HIP1: variants seen among roughly 807,000 people sequenced by gnomAD.
HIP1 encodes the protein huntingtin-interacting protein 1.
In HIP1, 65 loss-of-function variants were observed where a neutral mutation model predicts 147.6. The observed-to-expected ratio is 0.44, with a 90% CI of 0.36 to 0.54. The LOEUF is 0.54. HIP1 is among the 20% of genes least tolerant of loss of function. The pLI is 0.00. For missense variants in HIP1, 1,061 were observed against 1,299.6 expected (o/e 0.82, Z 2.82); for synonymous variants, 479 against 504.0 (o/e 0.95, Z 0.67).
At chr7:75,579,042 A>C (rs1250545376) in intron 7 of HIP1, among the ~76,000 whole-genome samples, 1 of 151,552 alleles carries the variant, frequency 6.6e-6, no homozygotes, top group African/African-American at 2.4e-5. Context: ...CTGGTCTTGA[A>C]CTCCTGACCT....
intron 1 of HIP1, among the ~76,000 whole-genome samples, chr7:75,606,838 T>C (rs1189373414): frequency 6.6e-6 from 1 of 152,170 alleles, no homozygotes; most frequent in Admixed American, 6.6e-5. Flanking sequence ...ATATAAAGTC[T>C]TACAACTCTA....
chr7:75,603,323 G>A (rs1554503323), intron 1 of HIP1, among the ~76,000 whole-genome samples: 1 of 142,318 alleles, frequency 7.0e-6, no homozygotes, highest in African/African-American at 2.7e-5. Context: ...ACTCCAGCCT[G>A]GGTGACAGAG....
intron 1 of HIP1, among the ~76,000 whole-genome samples, chr7:75,669,281 G>A (rs1037372689): frequency 3.4e-4 from 51 of 152,220 alleles, no homozygotes; most frequent in African/African-American, 1.2e-3. Context: ...GCTGAGGCAG[G>A]AGAATGGTGT....
chr7:75,609,093 T>C (rs1379206874), intron 1 of HIP1, among the ~76,000 whole-genome samples: 1 of 152,176 alleles, frequency 6.6e-6, no homozygotes, highest in Non-Finnish European at 1.5e-5. Context: ...AGAAGTTTCT[T>C]CCTAAACCAG....
At chr7:75,555,324 C>A in intron 19 of HIP1, 92 bp downstream of exon 19, 1 of 1,471,918 alleles carries the variant, frequency 6.8e-7, no homozygotes, top group Non-Finnish European at 9.4e-7. Flanking sequence ...GGGCTGAGAG[C>A]CCCTGAGCTA....
At chr7:75,590,963 T>C (rs143763096) in intron 4 of HIP1, among the ~76,000 whole-genome samples, 1 of 151,948 alleles carries the variant, frequency 6.6e-6, no homozygotes, top group Admixed American at 6.6e-5. Flanking sequence ...CAGGTAAGAC[T>C]GTGCAAAAAG....
chr7:75,640,054 C>G (rs1222339703), intron 1 of HIP1, among the ~76,000 whole-genome samples: 1 of 152,156 alleles, frequency 6.6e-6, no homozygotes, highest in African/African-American at 2.4e-5. Context: ...TATTCGATGC[C>G]GAAATGCAAG....
intron 1 of HIP1, among the ~76,000 whole-genome samples, chr7:75,725,645 C>T (rs1439585575): frequency 2.6e-5 from 4 of 152,110 alleles, no homozygotes; most frequent in African/African-American, 9.7e-5. Context: ...CAGCGTTCAT[C>T]CGTGTTGTTG....
intron 4 of HIP1, among the ~76,000 whole-genome samples, chr7:75,587,141 A>G (rs1460617223): frequency 1.3e-5 from 2 of 152,104 alleles, no homozygotes; most frequent in African/African-American, 4.8e-5. Context: ...TGGTTTCACC[A>G]TGTTACCCAG....
At chr7:75,596,462 C>T (rs1796751683) in intron 2 of HIP1, among the ~76,000 whole-genome samples, 2 of 152,264 alleles carry the variant, frequency 1.3e-5, no homozygotes, top group South Asian at 4.1e-4. Context: ...TCTCGGCTCA[C>T]TGCAACCTCT....
chr7:75,733,524 T>C (rs556622983), intron 1 of HIP1: 147 of 148,176 alleles, frequency 9.9e-4, no homozygotes, highest in Non-Finnish European at 1.7e-3. Context: ...ACACCAAGGG[T>C]CTGGTTGGAG....
intron 1 of HIP1, among the ~76,000 whole-genome samples, chr7:75,734,138 C>A (rs1376019033): frequency 6.6e-6 from 1 of 151,760 alleles, no homozygotes; most frequent in African/African-American, 2.4e-5. Context: ...CCCAGCTACT[C>A]GAGAGGCCGA....
intron 1 of HIP1, among the ~76,000 whole-genome samples, chr7:75,663,016 G>A (rs2117217718): frequency 6.6e-6 from 1 of 152,288 alleles, no homozygotes; most frequent in African/African-American, 2.4e-5. Context: ...TACATGAACT[G>A]CTGCAAGCCA....
intron 22 of HIP1, among the ~76,000 whole-genome samples, chr7:75,551,325 G>A (rs2116784782): frequency 6.7e-6 from 1 of 148,322 alleles, no homozygotes; most frequent in South Asian, 2.1e-4. Flanking sequence ...AGCCTCTCAA[G>A]TAGCTGGGAT....
At chr7:75,594,501 C>A (rs1437695047) in intron 2 of HIP1, among the ~76,000 whole-genome samples, 6 of 152,108 alleles carry the variant, frequency 3.9e-5, no homozygotes, top group East Asian at 1.9e-4. Context: ...CAGGGTTGGG[C>A]GTGGTGGCTC....
chr7:75,538,699 T>G (rs978983067), intron 30 of HIP1, among the ~76,000 whole-genome samples: 1 of 151,108 alleles, frequency 6.6e-6, no homozygotes, highest in Non-Finnish European at 1.5e-5. Flanking sequence ...CTCAGCCTCC[T>G]GAGTAGCTGG....
Position 75,554,477 on chromosome 7 carries a change from C to T in HIP1, c.2013G>A (p.Leu671=). ...VTSISSCIEQ[L]EKSWSQYLAC... The stretch of plus-strand genomic sequence containing the variant: ...CCAGATACTGGCTCCAGCTTTTCTC[C>T]AGTTGCTCGATGCAGCTGGAAATGG... The change falls in exon 20 of 31, where the codon CTG becomes CTA. Residue 671 remains leucine (L), a synonymous_variant. Coordinates refer to ENST00000336926, the MANE Select transcript of HIP1 (RefSeq NM_005338.7). 7 of 1,614,020 alleles carry T rather than the reference C, an allele frequency of 4.3e-6. No individual in the cohort carries two copies. Among genetic ancestry groups the T allele is most frequent in the South Asian group, 1.1e-5 (1 of 91,064 alleles).
chr7:75,595,255 C>CTTTCTTT lies in HIP1; in HGVS notation c.185-2742_185-2741insAAAGAAA, dbSNP rs1491555852. Among the ~76,000 whole-genome samples, 611 of 67,962 alleles carry CTTTCTTT rather than the reference C, an allele frequency of 9.0e-3. 7 individuals carry two copies. The highest frequency in any genetic ancestry group is 0.015 in the East Asian group (26 of 1,748). 44.6% of individuals were successfully genotyped at this position (67,962 alleles called of 152,430 possible). ...TTCTTTCTTTCTTTCTTTCTTTCTT[C>CTTTCTTT]CTTCCTTCCTTCCTTCCTTCCTTCC... On this transcript the variant is annotated intron_variant, in intron 2 of 30. Transcript: ENST00000336926.
chr7:75,576,391 G>A (rs1554497697), intron 7 of HIP1, among the ~76,000 whole-genome samples: 2 of 152,210 alleles, frequency 1.3e-5, no homozygotes, highest in Admixed American at 1.3e-4. Flanking sequence ...TCTGCTGTAT[G>A]TTGGGATGTC....
Sources: gnomAD v4.1 joint callset for allele counts (sites outside exome capture counted in the v4.1 genomes callset) on GRCh38, gnomAD v4.1.1 for gene constraint, MANE v1.5 for transcripts, NCBI Gene and HGNC (gene_info 2026-07-23, HGNC 2026-07-21) for gene names.